ZNF644: variants seen among roughly 807,000 people sequenced by gnomAD.
ZNF644 encodes the protein zinc finger motif enhancer binding protein 2.
ZNF644 carries 20 observed loss-of-function variants against 108.0 expected under a neutral mutation model. The ratio of observed to expected loss-of-function variants is 0.19; its 90% CI spans 0.13 to 0.27. The LOEUF is 0.27. ZNF644 is among the 10% of genes least tolerant of loss of function. ZNF644 has a pLI of 1.00. For missense variants in ZNF644, 1,338 were observed against 1,548.9 expected, an observed-to-expected ratio of 0.86 and a Z score of 2.29; for synonymous variants, 542 against 539.1, an observed-to-expected ratio of 1.01 and a Z score of -0.08.
intron 1 of ZNF644, among the ~76,000 whole-genome samples, chr1:91,005,747 C>G (rs1186194238): frequency 2.0e-5 from 3 of 151,778 alleles, no homozygotes; most frequent in African/African-American, 7.3e-5. Flanking sequence ...ACACAACATA[C>G]TAAAACTTAT....
At chr1:90,959,118 TC>T (rs1475228167) in intron 2 of ZNF644, among the ~76,000 whole-genome samples, 1 of 151,978 alleles carries the variant, frequency 6.6e-6, no homozygotes, top group Non-Finnish European at 1.5e-5. Context: ...CAGATATTTC[TC>T]AAAAAAAGAT....
At chr1:90,935,368 T>G in intron 4 of ZNF644, 1 of 985,838 alleles carries the variant, frequency 1.0e-6, no homozygotes, top group Non-Finnish European at 1.2e-6. Flanking sequence ...AAAAGTGTAT[T>G]GTATCAAACA....
chr1:90,941,798 A>G (rs187491675), intron 2 of ZNF644, among the ~76,000 whole-genome samples: 1 of 152,312 alleles, frequency 6.6e-6, no homozygotes, highest in Admixed American at 6.5e-5. Context: ...TTTGTCACTT[A>G]TAAGTTCATT....
chr1:90,939,580 G>C lies in ZNF644; in HGVS notation c.1774C>G (p.Pro592Ala). 6.2e-7 allele frequency: 1 copy of C among 1,613,978 alleles called. No homozygotes were observed. The highest frequency in any genetic ancestry group is 8.5e-7 in the Non-Finnish European group (1 of 1,179,914). Reference sequence around the variant, plus strand: ...ACACTTTTGGCTGAAGTAGTAAAAGGACACATCTTACATATGTAGGTAGCT... The same window carrying C: ...ACACTTTTGGCTGAAGTAGTAAAAGCACACATCTTACATATGTAGGTAGCT... ...KSATYICKMC[P>A]FTTSAKSVLK... The change falls in exon 3 of 6, where the codon CCT becomes GCT. Residue 592 changes from proline to alanine, a missense_variant. Physicochemically the swap from Pro to Ala is conservative, Grantham distance 27. This residue lies in a region of ZNF644 where 462 missense variants were observed against 472.6 expected (regional missense o/e 0.98). Coordinates refer to ENST00000337393, the MANE Select transcript of ZNF644 (RefSeq NM_201269.3).
intron 1 of ZNF644, among the ~76,000 whole-genome samples, chr1:91,005,322 A>T (rs1379175920): frequency 6.6e-6 from 1 of 152,162 alleles, no homozygotes; most frequent in African/African-American, 2.4e-5. Context: ...AGAACCCCAA[A>T]ATATATGAAG....
At chr1:91,001,113 G>T (rs908638884) in intron 1 of ZNF644, among the ~76,000 whole-genome samples, 1 of 152,168 alleles carries the variant, frequency 6.6e-6, no homozygotes, top group Non-Finnish European at 1.5e-5. Flanking sequence ...GGTACAAGGA[G>T]GAGCTGGTAC....
At position 90,939,630 on chromosome 1, in the gene ZNF644, G is replaced by A; in HGVS notation, c.1724C>T (p.Ser575Phe). ...KTQKKTFMKD[S>F]VVGSSKKSAT... ...TGATTTTTTGGATGATCCTACTACA[G>A]AGTCTTTCATGAAAGTCTTTTTTTG... The change falls in exon 3 of 6, where the codon TCT becomes TTT. Residue 575 changes from serine (S) to phenylalanine (F), a missense_variant. Ser to Phe is a radical substitution (Grantham distance 155). Transcript: ENST00000337393. The A allele has an allele frequency of 6.2e-7, 1 of 1,614,020 alleles. No individual in the cohort carries two copies. Among genetic ancestry groups the A allele is most frequent in the Non-Finnish European group, 8.5e-7 (1 of 1,179,940 alleles).
chr1:91,002,098 A>T (rs921459977), intron 1 of ZNF644, among the ~76,000 whole-genome samples: 16 of 152,196 alleles, frequency 1.1e-4, no homozygotes, highest in African/African-American at 3.6e-4. Flanking sequence ...AAATGGCCAT[A>T]CTGCCCAAGG....
intron 4 of ZNF644, among the ~76,000 whole-genome samples, chr1:90,919,956 T>A (rs1445127656): frequency 1.3e-5 from 2 of 152,070 alleles, no homozygotes; most frequent in African/African-American, 2.4e-5. Flanking sequence ...ACCAGCCAGC[T>A]TATGTACAGA....
intron 4 of ZNF644, among the ~76,000 whole-genome samples, chr1:90,929,682 A>G (rs1650496407): frequency 6.6e-6 from 1 of 152,156 alleles, no homozygotes; most frequent in Non-Finnish European, 1.5e-5. Flanking sequence ...ACTTTCCACA[A>G]CATAAGAATG....
chr1:90,995,917 G>C lies in ZNF644; in HGVS notation c.-17-13547C>G, dbSNP rs556298997. ...CAGAACCTGACCATGTTGGCACTCTGATCCCAGACTTCCAATCTCCAGAAC... is the reference window on the plus strand; with the variant it reads ...CAGAACCTGACCATGTTGGCACTCTCATCCCAGACTTCCAATCTCCAGAAC... On this transcript the variant is annotated intron_variant, in intron 1 of 5. Transcript: ENST00000337393. 2.6e-5 allele frequency among the ~76,000 whole-genome samples: 4 copies of C among 152,294 alleles called. No individual in the cohort carries two copies. In the East Asian group the frequency reaches 7.7e-4, roughly 29 times the overall value.
At chr1:90,985,097 A>G (rs575762871) in intron 1 of ZNF644, among the ~76,000 whole-genome samples, 1 of 151,986 alleles carries the variant, frequency 6.6e-6, no homozygotes, top group South Asian at 2.1e-4. Flanking sequence ...CCAAAATCTG[A>G]AAAAAAACCT....
intron 2 of ZNF644, among the ~76,000 whole-genome samples, chr1:90,943,749 C>T (rs1652246695): frequency 6.6e-6 from 1 of 152,136 alleles, no homozygotes; most frequent in African/African-American, 2.4e-5. Context: ...GGAGTCTCTA[C>T]ATCACATACA....
intron 4 of ZNF644, among the ~76,000 whole-genome samples, chr1:90,925,687 AAAC>A (rs1218538578): frequency 6.6e-6 from 1 of 152,092 alleles, no homozygotes; most frequent in African/African-American, 2.4e-5. Context: ...CTTGCATGAA[AAAC>A]AAGATGTCAG....
At chr1:91,013,585 C>T (rs746336854) in intron 1 of ZNF644, among the ~76,000 whole-genome samples, 1 of 151,990 alleles carries the variant, frequency 6.6e-6, no homozygotes, top group Non-Finnish European at 1.5e-5. Context: ...GTTTTAATTC[C>T]TATCACTTCT....
chr1:90,954,927 T>G (rs926187254), intron 2 of ZNF644, among the ~76,000 whole-genome samples: 1 of 152,228 alleles, frequency 6.6e-6, no homozygotes, highest in Admixed American at 6.5e-5. Context: ...TTCAATTTAC[T>G]TTGCTCAGAT....
In ZNF644 at chr1:90,940,539, T is replaced by C. The variant is rs1651852007; in HGVS notation, c.815A>G (p.Asn272Ser). ...TGGAGCTTTATCTACTGTTTCCTCA[T>C]TAGTCATAAGAAATTGAATGAACTC... ...QKEFIQFLMT[N>S]EETVDKAPPH... Residue 272 changes from asparagine to serine, a missense_variant, in exon 3 of 6, where the codon AAT (asparagine) becomes AGT (serine). Asn to Ser is a conservative substitution (Grantham distance 46). Transcript: ENST00000337393. The C allele has an allele frequency of 6.2e-7, 1 of 1,613,894 alleles. No homozygotes were observed.
At chr1:90,992,743 T>C (rs938976018) in intron 1 of ZNF644, among the ~76,000 whole-genome samples, 2 of 152,208 alleles carry the variant, frequency 1.3e-5, no homozygotes, top group African/African-American at 2.4e-5. Context: ...AATTTTGTAG[T>C]TTCTCTCATC....
At chr1:90,973,888 T>C (rs1655746358) in intron 2 of ZNF644, among the ~76,000 whole-genome samples, 1 of 152,140 alleles carries the variant, frequency 6.6e-6, no homozygotes, top group African/African-American at 2.4e-5. Context: ...CCCCAAAATA[T>C]GGCACCTTGG....
Sources: gnomAD v4.1 joint callset for allele counts (sites outside exome capture counted in the v4.1 genomes callset) on GRCh38, gnomAD v4.1.1 for gene constraint, gnomAD v4.1.1 regional missense constraint, MANE v1.5 for transcripts, NCBI Gene and HGNC (gene_info 2026-07-23, HGNC 2026-07-21) for gene names.